Variants in KDM5A observed in about 807,000 individuals in gnomAD.
KDM5A encodes lysine demethylase 5A, also known as lysine-specific demethylase 5A.
KDM5A carries 42 observed loss-of-function variants against 193.5 expected under a neutral mutation model. That is an observed-to-expected ratio of 0.22 (90% confidence interval 0.17 to 0.28). KDM5A has a LOEUF of 0.28. Among genes scored for constraint, KDM5A ranks in the 10% least tolerant of loss-of-function variants. The pLI, the probability that KDM5A is intolerant of heterozygous loss-of-function variation, is 1.00. For synonymous variants in KDM5A, 796 were observed against 718.1 expected (o/e 1.11, Z -1.73); for missense variants, 1,692 against 2,055.1 (o/e 0.82, Z 3.42).
intron 7 of KDM5A, 103 bp downstream of exon 7, chr12:355,055 C>A (rs1944214342): frequency 1.3e-6 from 1 of 780,750 alleles, no homozygotes. Flanking sequence ...GTCTTCTAAC[C>A]AAACGAGCTA....
chr12:335,570 T>C (rs746445558), intron 10 of KDM5A, among the ~76,000 whole-genome samples: 2 of 152,156 alleles, frequency 1.3e-5, no homozygotes, highest in Admixed American at 6.5e-5. Flanking sequence ...AGGGTCATTA[T>C]TGTGCTTACT....
rs549414287 is a variant in KDM5A at position 288,923 on chromosome 12, G to A, written c.4867-3261C>T. ...CTAGCTCAACATCATGCGCGTGCAC[G>A]CGTGTGTGTGTGTATTACACACATT... is the stretch of plus-strand genomic sequence containing the variant. On this transcript the variant is annotated intron_variant, in intron 27 of 27. Transcript: ENST00000399788. Among the ~76,000 whole-genome samples the A allele has an allele frequency of 3.9e-5, 6 of 152,314 alleles. 1 individual carries two copies. The South Asian group carries it at 8.3e-4, about 21-fold the overall frequency.
At chr12:305,976 T>TC in intron 24 of KDM5A, among the ~76,000 whole-genome samples, 1 of 146,584 alleles carries the variant, frequency 6.8e-6, no homozygotes, top group East Asian at 2.1e-4. Flanking sequence ...AGTGTTTTTT[T>TC]TTTTTTTTTT....
chr12:388,427 T>C, intron 1 of KDM5A: 1 of 404,422 alleles, frequency 2.5e-6, no homozygotes, highest in Non-Finnish European at 4.9e-6. Flanking sequence ...CCGCTAAGAC[T>C]TTTTCACTGC....
At chr12:332,621 A>T (rs1943879291) in intron 12 of KDM5A, among the ~76,000 whole-genome samples, 1 of 152,216 alleles carries the variant, frequency 6.6e-6, no homozygotes, top group African/African-American at 2.4e-5. Flanking sequence ...AGGTATTTGC[A>T]GTATATTTTT....
In KDM5A at chr12:389,050, C is replaced by A; in HGVS notation, c.42G>T (p.Val14=). Residue 14 remains valine (V), a synonymous_variant, in exon 1 of 28, where the codon GTG becomes GTT. Transcript: ENST00000399788. The stretch of plus-strand genomic sequence containing the variant: ...CAAAGACGGGGCACTCTGGCGGTGG[C>A]ACGAACTCCGCCGCGTAGCCCCCCG... The part of the protein sequence containing the change: ...VGPGGYAAEF[V]PPPECPVFEP... The A allele has an allele frequency of 1.2e-6, 2 of 1,601,442 alleles. No homozygotes were observed. Among genetic ancestry groups the A allele is most frequent in the Non-Finnish European group, 1.7e-6 (2 of 1,172,668 alleles).
chr12:362,273 GAAGCA>G (rs1184593836), intron 5 of KDM5A, among the ~76,000 whole-genome samples: 2 of 151,650 alleles, frequency 1.3e-5, no homozygotes, highest in Non-Finnish European at 2.9e-5. Flanking sequence ...GTTTGAAAGA[GAAGCA>G]AAGCTTGGGG....
Position 323,169 on chromosome 12 carries a change from A to G in KDM5A, c.2188T>C (p.Tyr730His), listed in dbSNP as rs1217843841. 2.8e-6 allele frequency: 4 copies of G among 1,442,304 alleles called. No individual in the cohort carries two copies. Among genetic ancestry groups the G allele is most frequent in the Admixed American group, 1.8e-5 (1 of 54,416 alleles). The allele number at this position is 1,442,304 out of a possible 1,614,324, so 89.3% of individuals were successfully genotyped here. A position where few individuals can be genotyped will look rare whatever the true frequency, so the allele number is the denominator to read the frequency against. Residue 730 changes from tyrosine (Y) to histidine (H), a missense_variant, in exon 16 of 28, where the codon TAT becomes CAT. Coordinates refer to ENST00000399788, the MANE Select transcript of KDM5A (RefSeq NM_001042603.3). ...GACTGTGCCCTGACTTTTACACCAT[A>G]TAGCAGAGAAGGGAGGTCTTCTAAT... ...YPLEDLPSLL[Y>H]GVKVRAQSYD...
intron 10 of KDM5A, among the ~76,000 whole-genome samples, chr12:349,672 G>C (rs563408881): frequency 3.4e-5 from 5 of 149,038 alleles, no homozygotes; most frequent in African/African-American, 1.2e-4. Flanking sequence ...TTAAACTGGA[G>C]TTAAAATTTT....
intron 10 of KDM5A, among the ~76,000 whole-genome samples, chr12:341,098 C>T (rs2137434891): frequency 6.6e-6 from 1 of 152,200 alleles, no homozygotes; most frequent in East Asian, 1.9e-4. Flanking sequence ...ATCTGTAAAA[C>T]CTCAGAAAAT....
At chr12:305,881 A>T (rs1268511267) in intron 24 of KDM5A, among the ~76,000 whole-genome samples, 1 of 151,774 alleles carries the variant, frequency 6.6e-6, no homozygotes, top group Non-Finnish European at 1.5e-5. Context: ...CCTGGGCCCA[A>T]GTATTATATT....
At position 307,333 on chromosome 12, in the gene KDM5A, A is replaced by G; in HGVS notation, c.3930+121T>C. ...ATAGTGTATGTTGAAGGAGAATGCA[A>G]TGGATAATTGCTGACAAGTTACTGT... On this transcript the variant is annotated intron_variant, in intron 23 of 27. Coordinates refer to ENST00000399788, the MANE Select transcript of KDM5A (RefSeq NM_001042603.3). This position sits in a 1 kb window ranked among gnomAD's most constrained non-coding sequence, Gnocchi z 4.3. 1.7e-6 allele frequency: 2 copies of G among 1,153,022 alleles called. No homozygotes were observed. The highest frequency in any genetic ancestry group is 2.6e-6 in the Non-Finnish European group (2 of 781,466). 71.4% of individuals were successfully genotyped at this position (1,153,022 alleles called of 1,614,324 possible). A position where few individuals can be genotyped will look rare whatever the true frequency, so the allele number is the denominator to read the frequency against.
At chr12:355,750 C>T (rs1206736650) in intron 6 of KDM5A, among the ~76,000 whole-genome samples, 2 of 152,086 alleles carry the variant, frequency 1.3e-5, no homozygotes, top group Non-Finnish European at 2.9e-5. Flanking sequence ...GAGTTCAGTC[C>T]ACTATCTGAA....
At chr12:337,283 C>T (rs920825623) in intron 10 of KDM5A, among the ~76,000 whole-genome samples, 5 of 152,146 alleles carry the variant, frequency 3.3e-5, no homozygotes, top group African/African-American at 4.8e-5. Flanking sequence ...AATTACCCAG[C>T]CTCGAGTATT....
intron 10 of KDM5A, among the ~76,000 whole-genome samples, chr12:348,810 A>T (rs371117052): frequency 2.6e-5 from 4 of 152,136 alleles, no homozygotes; most frequent in East Asian, 1.9e-4. Context: ...TACCTAATGT[A>T]AATGAGCTGA....
At chr12:350,880 T>A in intron 9 of KDM5A, 101 bp from the exon 10 acceptor site, 12 of 1,027,460 alleles carry the variant, frequency 1.2e-5, no homozygotes, top group Non-Finnish European at 1.6e-5. Context: ...CATGATGAGA[T>A]TAAAAATCTT....
At chr12:330,094 T>C (rs1180357704) in intron 13 of KDM5A, among the ~76,000 whole-genome samples, 4 of 151,202 alleles carry the variant, frequency 2.6e-5, no homozygotes, top group Admixed American at 2.0e-4. Flanking sequence ...TGTATATATA[T>C]ATATCTTATG....
At chr12:379,693 T>C (rs886831612) in intron 3 of KDM5A, among the ~76,000 whole-genome samples, 1 of 152,200 alleles carries the variant, frequency 6.6e-6, no homozygotes, top group African/African-American at 2.4e-5. Flanking sequence ...GGGAAAGAGA[T>C]GTCCATGAGG....
At chr12:374,349 G>C (rs1467698043) in intron 3 of KDM5A, among the ~76,000 whole-genome samples, 1 of 150,872 alleles carries the variant, frequency 6.6e-6, no homozygotes, top group Non-Finnish European at 1.5e-5. Context: ...CCTTGTCTCT[G>C]ATCTTTGTTG....
Sources: gnomAD v4.1 joint callset for allele counts (sites outside exome capture counted in the v4.1 genomes callset) on GRCh38, gnomAD v4.1.1 for gene constraint, Gnocchi (gnomAD v3.1) non-coding constraint, MANE v1.5 for transcripts, NCBI Gene and HGNC (gene_info 2026-07-23, HGNC 2026-07-21) for gene names.